LDLRAP1: variants seen among roughly 807,000 people sequenced by gnomAD.
LDLRAP1 encodes low density lipoprotein receptor adaptor protein 1, also known as low density lipoprotein receptor adapter protein 1.
A neutral mutation model predicts 37.8 loss-of-function variants in LDLRAP1; 30 were observed. That is an observed-to-expected ratio of 0.79 (90% CI 0.59 to 1.08). The LOEUF (loss-of-function observed/expected upper bound fraction) is 1.08, where lower values mean the gene tolerates loss of function less well. LDLRAP1 is among the 50% of genes least tolerant of loss of function. The pLI, the probability that LDLRAP1 is intolerant of heterozygous loss-of-function variation, is 0.00. For synonymous variants in LDLRAP1, 156 were observed against 169.8 expected (o/e 0.92, Z 0.63); for missense variants, 375 against 401.6 (o/e 0.93, Z 0.57).
chr1:25,562,285 A>C (rs1400425347), intron 4 of LDLRAP1, among the ~76,000 whole-genome samples: 1 of 152,226 alleles, frequency 6.6e-6, no homozygotes, highest in African/African-American at 2.4e-5. Context: ...AGTAAGCCTC[A>C]CAGTTCATTG....
chr1:25,558,341 G>A (rs1417499039), intron 4 of LDLRAP1, among the ~76,000 whole-genome samples: 1 of 152,148 alleles, frequency 6.6e-6, no homozygotes, highest in Non-Finnish European at 1.5e-5. Flanking sequence ...GTACATCACA[G>A]TCTTTGTGGT....
At chr1:25,585,342 T>C in the LDLRAP1 span, among the ~76,000 whole-genome samples, 3 of 151,810 alleles carry the variant, frequency 2.0e-5, no homozygotes, top group Non-Finnish European at 2.9e-5. Context: ...TTTTTTTTTT[T>C]TGAGACGGAG....
chr1:25,579,240 C>T, the LDLRAP1 span, among the ~76,000 whole-genome samples: 1 of 152,182 alleles, frequency 6.6e-6, no homozygotes, highest in Admixed American at 6.5e-5. Context: ...TGAGGCCAGC[C>T]CTGAGAACAG....
At chr1:25,557,362 A>G (rs1039557161) in intron 4 of LDLRAP1, 95 bp downstream of exon 4, 5 of 939,498 alleles carry the variant, frequency 5.3e-6, no homozygotes, top group Non-Finnish European at 5.2e-6. Context: ...CAGGACCCAA[A>G]GGTGACCATT....
chr1:25,558,955 C>T (rs1036292632), intron 4 of LDLRAP1, among the ~76,000 whole-genome samples: 5 of 152,158 alleles, frequency 3.3e-5, no homozygotes, highest in Non-Finnish European at 5.9e-5. Flanking sequence ...TGGAGAAGAT[C>T]CTGCCTTTCT....
At position 25,567,477 on chromosome 1, in the gene LDLRAP1, C is replaced by T. The variant is rs958944821; in HGVS notation, c.*485C>T. On this transcript the variant is annotated 3_prime_UTR_variant, in exon 9 of 9. Transcript: ENST00000374338. Reference sequence around the variant, plus strand: ...CCCAGCACAGGAGAGCACCCACAGCCGCAGAAGGGGAATGTGTCCTCCTGC... The same window carrying T: ...CCCAGCACAGGAGAGCACCCACAGCTGCAGAAGGGGAATGTGTCCTCCTGC... 2.2e-5 allele frequency: 6 copies of T among 273,880 alleles called. No individual in the cohort carries two copies. Among genetic ancestry groups the T allele is most frequent in the South Asian group, 3.5e-5 (1 of 28,946 alleles). The allele number at this position is 273,880 out of a possible 1,614,324, so 17.0% of individuals were successfully genotyped here.
chr1:25,563,976 C>T (rs145115838), intron 7 of LDLRAP1, 185 bp downstream of exon 7: 7 of 723,888 alleles, frequency 9.7e-6, no homozygotes, highest in East Asian at 8.2e-5. Context: ...CCTGAGGCTG[C>T]ATCCCCAACA....
In LDLRAP1 at chr1:25,555,806, C is replaced by T. The variant is rs2044183866; in HGVS notation, c.344+834C>T. Among the ~76,000 whole-genome samples, 1 of 152,172 alleles carries T rather than the reference C, an allele frequency of 6.6e-6. No homozygotes were observed. Among genetic ancestry groups the T allele is most frequent in the African/African-American group, 2.4e-5 (1 of 41,426 alleles). Reference sequence around the variant, plus strand: ...TTCCTTTAGTCAACAGTTTCAGATACCTATTCTGCCAACGTCTGTGCCAGA... The same window carrying T: ...TTCCTTTAGTCAACAGTTTCAGATATCTATTCTGCCAACGTCTGTGCCAGA... On this transcript the variant is annotated intron_variant, in intron 3 of 8. Transcript: ENST00000374338. The surrounding 1 kb of genome is among the most constrained non-coding windows in gnomAD (Gnocchi z 4.7).
Position 25,554,915 on chromosome 1 carries a change from G to A in LDLRAP1, c.287G>A (p.Gly96Glu). Residue 96 changes from glycine to glutamate, a missense_variant, in exon 3 of 9, where the codon GGA becomes GAA. Physicochemically the swap from Gly to Glu is moderately conservative, Grantham distance 98. Coordinates refer to ENST00000374338, the MANE Select transcript of LDLRAP1 (RefSeq NM_015627.3). This position sits in a 1 kb window ranked among gnomAD's most constrained non-coding sequence, Gnocchi z 5.4. ...GTGACTCTGAAGGTGTCGCCACGGG[G>A]AATTATCCTGACAGACAACCTCACC... is the stretch of plus-strand genomic sequence containing the variant. ...QKVTLKVSPR[G>E]IILTDNLTNQ... is the part of the protein sequence containing the mutation. 1.2e-6 allele frequency: 2 copies of A among 1,614,218 alleles called. No homozygotes were observed. The highest frequency in any genetic ancestry group is 2.2e-5 in the South Asian group (2 of 91,088).
Position 25,555,146 on chromosome 1 carries a change from G to A in LDLRAP1, c.344+174G>A, listed in dbSNP as rs370963757. ...CTGCTGCACAGCGCTGTTAGGAAAC[G>A]TGGAGTGCACGGCACCTGGCTCATG... On this transcript the variant is annotated intron_variant, in intron 3 of 8. Coordinates refer to ENST00000374338, the MANE Select transcript of LDLRAP1 (RefSeq NM_015627.3). The surrounding 1 kb of genome is among the most constrained non-coding windows in gnomAD (Gnocchi z 4.7). Among the ~76,000 whole-genome samples the A allele has an allele frequency of 2.2e-4, 33 of 152,324 alleles. No individual in the cohort carries two copies. The highest frequency in any genetic ancestry group is 1.5e-3 in the East Asian group (8 of 5,180).
At chr1:25,563,839 T>C in intron 7 of LDLRAP1, 48 bp downstream of exon 7, 1 of 1,610,142 alleles carries the variant, frequency 6.2e-7, no homozygotes, top group Non-Finnish European at 8.5e-7. Context: ...GCCTGACCTC[T>C]GGGTGAGCCT....
chr1:25,577,500 G>A, the LDLRAP1 span, among the ~76,000 whole-genome samples: 1 of 152,162 alleles, frequency 6.6e-6, no homozygotes, highest in Non-Finnish European at 1.5e-5. Flanking sequence ...CAGTTACCAC[G>A]CCCAGTGCAG....
In LDLRAP1 at chr1:25,565,158, T is replaced by C. The variant is rs775420648; in HGVS notation, c.748-15T>C. Reference sequence around the variant, plus strand: ...CCCAAACATAGTTCTTATCTCCTGCTTTGTTTTCCCCAAGGAGCTGGATGA... The same window carrying C: ...CCCAAACATAGTTCTTATCTCCTGCCTTGTTTTCCCCAAGGAGCTGGATGA... On this transcript the variant is annotated splice_polypyrimidine_tract_variant and intron_variant, in intron 7 of 8. Coordinates refer to ENST00000374338, the MANE Select transcript of LDLRAP1 (RefSeq NM_015627.3). 1.9e-6 allele frequency: 3 copies of C among 1,614,088 alleles called. No homozygotes were observed. Among genetic ancestry groups the C allele is most frequent in the Admixed American group, 3.3e-5 (2 of 60,030 alleles).
intron 8 of LDLRAP1, among the ~76,000 whole-genome samples, chr1:25,565,513 G>A (rs956112044): frequency 4.6e-5 from 7 of 151,792 alleles, no homozygotes; most frequent in Admixed American, 1.3e-4. Flanking sequence ...GATTTCCTCC[G>A]ACTTGAGGAG....
chr1:25,588,284 A>G, the LDLRAP1 span, among the ~76,000 whole-genome samples: 1 of 152,170 alleles, frequency 6.6e-6, no homozygotes, highest in Admixed American at 6.5e-5. Context: ...GTCTGTGCTG[A>G]GGAGGATTAG....
chr1:25,570,660 C>T (rs2044592372), downstream of LDLRAP1, among the ~76,000 whole-genome samples: 1 of 152,134 alleles, frequency 6.6e-6, no homozygotes, highest in Non-Finnish European at 1.5e-5. Flanking sequence ...GAGATCGAGA[C>T]CATCCTGGCT....
At chr1:25,560,848 G>C (rs1462779015) in intron 4 of LDLRAP1, among the ~76,000 whole-genome samples, 1 of 152,228 alleles carries the variant, frequency 6.6e-6, no homozygotes, top group African/African-American at 2.4e-5. Flanking sequence ...GGGCAGGCCT[G>C]AGCAGTCCCT....
chr1:25,556,409 C>T lies in LDLRAP1; in HGVS notation c.345-744C>T, dbSNP rs376903243. Among the ~76,000 whole-genome samples, 11 of 152,260 alleles carry T rather than the reference C, an allele frequency of 7.2e-5. No individual in the cohort carries two copies. The South Asian group carries it at 1.9e-3, about 26-fold the overall frequency. ...GAGGGAGTTGCTGTGTGTCTCCTCCCGGGCCCACTGGGGCTCCTTGTTGGG... is the reference window on the plus strand; with the variant it reads ...GAGGGAGTTGCTGTGTGTCTCCTCCTGGGCCCACTGGGGCTCCTTGTTGGG... On this transcript the variant is annotated intron_variant, in intron 3 of 8. Transcript: ENST00000374338.
chr1:25,570,533 G>T (rs1415810820), downstream of LDLRAP1, among the ~76,000 whole-genome samples: 1 of 152,072 alleles, frequency 6.6e-6, no homozygotes, highest in Non-Finnish European at 1.5e-5. Flanking sequence ...CCATTCCCAG[G>T]TGCTCATCAG....
Sources: allele counts gnomAD v4.1 joint callset (sites outside exome capture counted in the v4.1 genomes callset), GRCh38; gene constraint gnomAD v4.1.1; non-coding constraint Gnocchi (gnomAD v3.1); transcripts MANE v1.5; gene names NCBI Gene and HGNC (gene_info 2026-07-23, HGNC 2026-07-21).